Variants in ADAMTS16 observed in about 807,000 individuals in gnomAD.
The protein encoded by ADAMTS16 is ADAM metallopeptidase with thrombospondin type 1 motif 16, also known as A disintegrin and metalloproteinase with thrombospondin motifs 16.
In ADAMTS16, 94 loss-of-function variants were observed where a neutral mutation model predicts 145.8. That is an observed-to-expected ratio of 0.64 (90% CI 0.55 to 0.77). ADAMTS16 has a LOEUF of 0.77. Among genes scored for constraint, ADAMTS16 ranks in the 30% least tolerant of loss-of-function variants. The pLI is 0.00. For missense variants in ADAMTS16, 1,585 were observed against 1,591.5 expected (o/e 1.00, Z 0.07); for synonymous variants, 659 against 604.3 (o/e 1.09, Z -1.33).
Position 5,200,334 on chromosome 5 carries a change from C to A in ADAMTS16, c.1451+65C>A, listed in dbSNP as rs1398658662. The stretch of plus-strand genomic sequence containing the variant: ...CTTTGATGCTCACTGCCTGGTCAGC[C>A]AGATCCTGTGCAAGCAGCCCCAGGC... On this transcript the variant is annotated intron_variant, in intron 9 of 22. Coordinates refer to ENST00000274181, the MANE Select transcript of ADAMTS16 (RefSeq NM_139056.4). 5 of 1,592,128 alleles carry A rather than the reference C, an allele frequency of 3.1e-6. No homozygotes were observed. The East Asian group carries it at 1.1e-4, about 36-fold the overall frequency.
chr5:5,159,362 G>A (rs1734684742), intron 3 of ADAMTS16, among the ~76,000 whole-genome samples: 1 of 152,064 alleles, frequency 6.6e-6, no homozygotes, highest in South Asian at 2.1e-4. Flanking sequence ...CACTACCCTG[G>A]GCTTCAGCTT....
chr5:5,142,782 C>T (rs1016069762), intron 2 of ADAMTS16, among the ~76,000 whole-genome samples: 2 of 152,140 alleles, frequency 1.3e-5, no homozygotes, highest in Non-Finnish European at 2.9e-5. Flanking sequence ...AGGTGTCACA[C>T]ACTACCTACC....
intron 13 of ADAMTS16, among the ~76,000 whole-genome samples, chr5:5,236,301 CT>C (rs71604119): frequency 7.4e-5 from 11 of 148,830 alleles, no homozygotes; most frequent in African/African-American, 9.8e-5. Flanking sequence ...TGTCCCTCCC[CT>C]TTTTTTTTTA....
At chr5:5,207,075 T>C (rs1327789027) in intron 9 of ADAMTS16, among the ~76,000 whole-genome samples, 1 of 152,254 alleles carries the variant, frequency 6.6e-6, no homozygotes, top group Non-Finnish European at 1.5e-5. Flanking sequence ...AGTTTGTTTA[T>C]ATCCTCAAAA....
At chr5:5,189,696 A>G (rs1272327197) in intron 6 of ADAMTS16, among the ~76,000 whole-genome samples, 2 of 152,214 alleles carry the variant, frequency 1.3e-5, no homozygotes, top group African/African-American at 4.8e-5. Flanking sequence ...TCATGCACAG[A>G]AGTAATCTTT....
chr5:5,267,713 G>T (rs533652265), intron 18 of ADAMTS16, among the ~76,000 whole-genome samples: 1 of 152,172 alleles, frequency 6.6e-6, no homozygotes, highest in East Asian at 1.9e-4. Flanking sequence ...GGCCCAGGAT[G>T]GGGGCATAGT....
intron 21 of ADAMTS16, among the ~76,000 whole-genome samples, chr5:5,309,845 T>TGTGG (rs1363494394): frequency 6.6e-6 from 1 of 151,228 alleles, no homozygotes; most frequent in Non-Finnish European, 1.5e-5. Flanking sequence ...TGTGTGTGTG[T>TGTGG]GTGTGTGTGT....
intron 3 of ADAMTS16, among the ~76,000 whole-genome samples, chr5:5,162,073 T>A (rs954719615): frequency 2.6e-5 from 4 of 152,226 alleles, no homozygotes; most frequent in Non-Finnish European, 5.9e-5. Context: ...CTATGGTGAA[T>A]TCTGCTTTAT....
intron 13 of ADAMTS16, 61 bp downstream of exon 13, chr5:5,235,247 A>C (rs1560961247): frequency 1.4e-6 from 2 of 1,423,604 alleles, no homozygotes; most frequent in Admixed American, 4.4e-5. Flanking sequence ...CTTTTTAAAG[A>C]AGTACATGAT....
intron 15 of ADAMTS16, 122 bp from the exon 16 acceptor site, chr5:5,239,559 G>C: frequency 7.1e-7 from 1 of 1,407,762 alleles, no homozygotes. Flanking sequence ...ACCAGAACAC[G>C]TCTTCACCCA....
At chr5:5,210,915 C>G (rs1019593746) in intron 10 of ADAMTS16, among the ~76,000 whole-genome samples, 1 of 152,160 alleles carries the variant, frequency 6.6e-6, no homozygotes, top group African/African-American at 2.4e-5. Context: ...AATGTCAAGT[C>G]AATCTGCCTT....
chr5:5,244,753 A>G (rs1737390999), intron 17 of ADAMTS16, among the ~76,000 whole-genome samples: 1 of 152,234 alleles, frequency 6.6e-6, no homozygotes, highest in Admixed American at 6.5e-5. Flanking sequence ...TCTTCCTTTC[A>G]TAATACAGCT....
At chr5:5,265,234 G>A (rs1373603564) in intron 18 of ADAMTS16, among the ~76,000 whole-genome samples, 1 of 152,232 alleles carries the variant, frequency 6.6e-6, no homozygotes, top group Non-Finnish European at 1.5e-5. Context: ...AGGTGGTCAG[G>A]ACAGATTTTA....
chr5:5,226,977 GGACCTCTCTTGT>G (rs147970474), intron 11 of ADAMTS16, among the ~76,000 whole-genome samples: 29,293 of 152,086 alleles, frequency 0.19, 3,288 homozygotes, highest in East Asian at 0.5. Flanking sequence ...CGGTCACTGG[GGACCTCTCTTGT>G]GAAATCAAAC....
At position 5,146,555 on chromosome 5, in the gene ADAMTS16, T is replaced by C. The variant is rs1390320725; in HGVS notation, c.501+100T>C. ...CCTCGATTTCGCATAGATGTTCTTC[T>C]AGTACTGCAGCGCAGATTAAGCAGG... is the stretch of plus-strand genomic sequence containing the variant. On this transcript the variant is annotated intron_variant, in intron 3 of 22. Coordinates refer to ENST00000274181, the MANE Select transcript of ADAMTS16 (RefSeq NM_139056.4). 4 of 1,246,900 alleles carry C rather than the reference T, an allele frequency of 3.2e-6. No homozygotes were observed. In the African/African-American group the frequency reaches 6.0e-5, roughly 19 times the overall value. The allele number at this position is 1,246,900 out of a possible 1,614,324, so 77.2% of individuals were successfully genotyped here.
chr5:5,196,237 C>CAAAAAAAAA lies in ADAMTS16; in HGVS notation c.1314-3884_1314-3876dup, dbSNP rs10680781. On this transcript the variant is annotated intron_variant, in intron 8 of 22. Transcript: ENST00000274181. ...TGGGCAACAGAGAGAGCCTCCATCT[C>CAAAAAAAAA]AAAAAAAAAAAAAAAAAAAGCAGCA... 4.9e-4 allele frequency among the ~76,000 whole-genome samples: 47 copies of CAAAAAAAAA among 95,040 alleles called. 4 individuals carry two copies. Among genetic ancestry groups the CAAAAAAAAA allele is most frequent in the African/African-American group, 1.3e-3 (30 of 23,440 alleles). 62.3% of individuals were successfully genotyped at this position (95,040 alleles called of 152,430 possible). A position where few individuals can be genotyped will look rare whatever the true frequency, so the allele number is the denominator to read the frequency against.
intron 9 of ADAMTS16, among the ~76,000 whole-genome samples, chr5:5,206,740 C>G (rs1736135503): frequency 6.6e-6 from 1 of 152,062 alleles, no homozygotes; most frequent in Admixed American, 6.5e-5. Context: ...CCTCAGCCTC[C>G]CTAAGTGCTG....
At chr5:5,194,092 AC>A (rs1425819793) in intron 8 of ADAMTS16, among the ~76,000 whole-genome samples, 2 of 151,776 alleles carry the variant, frequency 1.3e-5, no homozygotes, top group East Asian at 1.9e-4. Context: ...GCAGAATGAG[AC>A]CCTGTATAAA....
chr5:5,168,668 TA>T (rs1363295673), intron 3 of ADAMTS16, among the ~76,000 whole-genome samples: 3 of 77,932 alleles, frequency 3.8e-5, no homozygotes, highest in Admixed American at 4.4e-4. Context: ...TATATTTATA[TA>T]ATAATTATAA....
Sources: gnomAD v4.1 joint callset for allele counts (sites outside exome capture counted in the v4.1 genomes callset) on GRCh38, gnomAD v4.1.1 for gene constraint, MANE v1.5 for transcripts, NCBI Gene and HGNC (gene_info 2026-07-23, HGNC 2026-07-21) for gene names.